Variants in LAPTM4A observed in about 807,000 individuals in gnomAD.
The protein encoded by LAPTM4A is lysosomal-associated transmembrane protein 4A.
In LAPTM4A, 19 loss-of-function variants were observed where a neutral mutation model predicts 29.9. The observed-to-expected ratio is 0.64, with a 90% confidence interval of 0.44 to 0.93. LAPTM4A has a LOEUF of 0.93. LAPTM4A is among the 40% of genes least tolerant of loss of function. The pLI is 0.00. For synonymous variants in LAPTM4A, 105 were observed against 102.1 expected (o/e 1.03, Z -0.17); for missense variants, 293 against 288.5 (o/e 1.02, Z -0.11).
In LAPTM4A at chr2:20,048,861, G is replaced by A. The variant is rs531073759; in HGVS notation, c.111+2549C>T. 2.6e-5 allele frequency among the ~76,000 whole-genome samples: 4 copies of A among 152,268 alleles called. No individual in the cohort carries two copies. The East Asian group carries it at 7.7e-4, about 29-fold the overall frequency. On this transcript the variant is annotated intron_variant, in intron 1 of 6. Transcript: ENST00000175091. ...TACTTGGACAAGCCTTCTTTGCTTC[G>A]AAGTATTATACTACAGTTTGGCTTA...
chr2:20,051,247 T>C (rs1195344040), intron 1 of LAPTM4A, among the ~76,000 whole-genome samples, 163 bp downstream of exon 1: 2 of 151,992 alleles, frequency 1.3e-5, no homozygotes, highest in African/African-American at 4.8e-5. Context: ...CAAGGTTACT[T>C]TCCCAAAGTC....
chr2:20,041,866 C>T (rs1054343341), intron 1 of LAPTM4A, among the ~76,000 whole-genome samples: 1 of 152,100 alleles, frequency 6.6e-6, no homozygotes, highest in African/African-American at 2.4e-5. Context: ...AATGTGCTCT[C>T]CCTTCTAAAT....
At chr2:20,041,695 C>T (rs1024440197) in intron 1 of LAPTM4A, among the ~76,000 whole-genome samples, 2 of 152,088 alleles carry the variant, frequency 1.3e-5, no homozygotes, top group East Asian at 1.9e-4. Flanking sequence ...CGACCATACG[C>T]GGGTGATTTT....
At chr2:20,044,151 A>AT (rs962738077) in intron 1 of LAPTM4A, among the ~76,000 whole-genome samples, 7 of 152,062 alleles carry the variant, frequency 4.6e-5, no homozygotes, top group African/African-American at 1.4e-4. Context: ...TTGAAAGCTG[A>AT]TTTTTTTTGT....
At chr2:20,050,840 A>G (rs997041769) in intron 1 of LAPTM4A, among the ~76,000 whole-genome samples, 15 of 152,218 alleles carry the variant, frequency 9.9e-5, no homozygotes, top group African/African-American at 3.6e-4. Context: ...GGCAAAAGCT[A>G]TCGCCCCCAA....
chr2:20,043,074 G>C (rs1358670072), intron 1 of LAPTM4A, among the ~76,000 whole-genome samples: 5 of 136,324 alleles, frequency 3.7e-5, no homozygotes, highest in Non-Finnish European at 8.2e-5. Flanking sequence ...GGGGTAGCTG[G>C]GACTTTTTTT....
At chr2:20,048,368 C>T (rs955378978) in intron 1 of LAPTM4A, among the ~76,000 whole-genome samples, 1 of 152,204 alleles carries the variant, frequency 6.6e-6, no homozygotes, top group Non-Finnish European at 1.5e-5. Context: ...TGTTACTTAA[C>T]CAGGTATGCT....
intron 1 of LAPTM4A, among the ~76,000 whole-genome samples, chr2:20,048,452 G>T (rs756326592): frequency 6.6e-6 from 1 of 152,150 alleles, no homozygotes; most frequent in Non-Finnish European, 1.5e-5. Context: ...ACTGGTTCTG[G>T]CTTTCTCTAT....
chr2:20,051,335 C>T, intron 1 of LAPTM4A, 75 bp downstream of exon 1: 2 of 507,330 alleles, frequency 3.9e-6, no homozygotes, highest in Non-Finnish European at 7.5e-6. Context: ...CACCCCGTTT[C>T]CAGTCTCACC....
At chr2:20,034,646 T>G (rs1673642002) in intron 5 of LAPTM4A, among the ~76,000 whole-genome samples, 1 of 152,198 alleles carries the variant, frequency 6.6e-6, no homozygotes, top group African/African-American at 2.4e-5. Flanking sequence ...TCAATTCAGG[T>G]CAACCCACTG....
In LAPTM4A at chr2:20,033,042, TTTAACAGA is replaced by T. The variant is rs1673597367; in HGVS notation, c.*155_*162del. 1.6e-6 allele frequency: 1 copy of T among 623,972 alleles called. No homozygotes were observed. Among genetic ancestry groups the T allele is most frequent in the African/African-American group, 1.8e-5 (1 of 54,140 alleles). The allele number at this position is 623,972 out of a possible 1,614,324, so 38.7% of individuals were successfully genotyped here. On this transcript the variant is annotated 3_prime_UTR_variant, in exon 7 of 7. Coordinates refer to ENST00000175091, the MANE Select transcript of LAPTM4A (RefSeq NM_014713.5). ...GACTTAACAAAAAAACAAAAAGACG[TTTAACAGA>T]TGTCAAAAAGCTCCTTAGTGTTTGA...
At chr2:20,046,091 G>A (rs903669387) in intron 1 of LAPTM4A, among the ~76,000 whole-genome samples, 1 of 152,126 alleles carries the variant, frequency 6.6e-6, no homozygotes, top group Non-Finnish European at 1.5e-5. Flanking sequence ...ACTATTACAA[G>A]GACAGAAAAC....
rs570331834 is a variant in LAPTM4A at position 20,044,128 on chromosome 2, T to C, written c.112-3117A>G. Among the ~76,000 whole-genome samples the C allele has an allele frequency of 3.9e-5, 6 of 152,344 alleles. No homozygotes were observed. In the East Asian group the frequency reaches 1.2e-3, roughly 29 times the overall value. On this transcript the variant is annotated intron_variant, in intron 1 of 6. Coordinates refer to ENST00000175091, the MANE Select transcript of LAPTM4A (RefSeq NM_014713.5). ...ACCAGGAACAATCACTTTTGCAAGG[T>C]GGCTCTCCCCAGTTGAAAGCTGATT... is the stretch of plus-strand genomic sequence containing the variant.
At chr2:20,045,630 AAAGCTTCTACATCTTATGT>A (rs1365584398) in intron 1 of LAPTM4A, among the ~76,000 whole-genome samples, 1 of 152,220 alleles carries the variant, frequency 6.6e-6, no homozygotes, top group Non-Finnish European at 1.5e-5. Context: ...ATTGTTTTTG[AAAGCTTCTACATCTTATGT>A]AAGTGTGTAC....
intron 1 of LAPTM4A, among the ~76,000 whole-genome samples, chr2:20,049,506 C>G (rs973773352): frequency 3.3e-5 from 5 of 152,130 alleles, no homozygotes; most frequent in African/African-American, 1.2e-4. Flanking sequence ...AATAAGCGCC[C>G]GTAATGAAGT....
intron 4 of LAPTM4A, among the ~76,000 whole-genome samples, chr2:20,036,812 C>T (rs184715064): frequency 4.1e-4 from 63 of 152,308 alleles, no homozygotes; most frequent in Admixed American, 7.8e-4. Context: ...TGACAGCTCC[C>T]GCTTGTTATC....
At chr2:20,047,318 G>A (rs565955143) in intron 1 of LAPTM4A, among the ~76,000 whole-genome samples, 1 of 151,066 alleles carries the variant, frequency 6.6e-6, no homozygotes, top group Admixed American at 6.6e-5. Context: ...AACCTGGGAG[G>A]CGGAGGTTGC....
At chr2:20,041,033 C>T (rs1673785649) in intron 1 of LAPTM4A, 22 bp from the exon 2 acceptor site, 2 of 1,612,416 alleles carry the variant, frequency 1.2e-6, no homozygotes, top group Admixed American at 3.3e-5. Flanking sequence ...AACATTCTAT[C>T]AGTTACATTA....
intron 1 of LAPTM4A, among the ~76,000 whole-genome samples, chr2:20,044,127 G>GTGGC (rs1471331497): frequency 6.6e-6 from 1 of 152,210 alleles, no homozygotes; most frequent in African/African-American, 2.4e-5. Flanking sequence ...CTTTTGCAAG[G>GTGGC]TGGCTCTCCC....
Sources: allele counts gnomAD v4.1 joint callset (sites outside exome capture counted in the v4.1 genomes callset), GRCh38; gene constraint gnomAD v4.1.1; transcripts MANE v1.5; gene names NCBI Gene and HGNC (gene_info 2026-07-23, HGNC 2026-07-21).